The following GPC5 variants were observed in gnomAD, a reference collection of about 807,000 sequenced individuals.
The protein encoded by GPC5 is glypican-5.
GPC5 carries 47 observed loss-of-function variants against 53.9 expected under a neutral mutation model. That is an observed-to-expected ratio of 0.87 (90% CI 0.69 to 1.11). The LOEUF is 1.11. Among genes scored for constraint, GPC5 ranks in the 50% most tolerant of loss-of-function variants. The probability of loss-of-function intolerance (pLI) is 0.00; values close to 1 mark genes in which losing one functional copy is unlikely to be tolerated. For missense variants in GPC5, 748 were observed against 713.1 expected (o/e 1.05, Z -0.56); for synonymous variants, 286 against 263.3 (o/e 1.09, Z -0.84).
chr13:92,744,657 A>T lies in GPC5; in HGVS notation c.1562-121625A>T, dbSNP rs1000973767. Among the ~76,000 whole-genome samples the T allele has an allele frequency of 2.0e-5, 3 of 152,108 alleles. No individual in the cohort carries two copies. The East Asian group carries it at 5.8e-4, about 29-fold the overall frequency. On this transcript the variant is annotated intron_variant, in intron 7 of 7. Transcript: ENST00000377067. ...TGTTTAGAAACTGAAAGTAATAAAG[A>T]TATTGAAGGAATCAATTAAAGTGAT...
intron 7 of GPC5, among the ~76,000 whole-genome samples, chr13:92,330,307 A>C (rs1310181326): frequency 6.6e-6 from 1 of 152,140 alleles, no homozygotes; most frequent in Non-Finnish European, 1.5e-5. Flanking sequence ...TGTCCTCCAA[A>C]GTCCCCTAAC....
intron 5 of GPC5, among the ~76,000 whole-genome samples, chr13:91,766,835 G>GGGT (rs1250250339): frequency 6.6e-6 from 1 of 152,150 alleles, no homozygotes; most frequent in East Asian, 1.9e-4. Context: ...ACTCCAGCCT[G>GGGT]GGTGACAGAG....
intron 7 of GPC5, among the ~76,000 whole-genome samples, chr13:92,215,562 A>G (rs2042403862): frequency 1.3e-5 from 2 of 152,274 alleles, no homozygotes; most frequent in African/African-American, 4.8e-5. Context: ...TCTTACTGGC[A>G]TGTCATTCTC....
intron 2 of GPC5, among the ~76,000 whole-genome samples, chr13:91,480,781 TC>T (rs1297605847): frequency 1.3e-5 from 2 of 152,178 alleles, no homozygotes; most frequent in Admixed American, 1.3e-4. Context: ...ATACCCTTAT[TC>T]TTTTGAGTTC....
chr13:92,118,843 C>T (rs1316815271), intron 6 of GPC5, among the ~76,000 whole-genome samples: 1 of 152,136 alleles, frequency 6.6e-6, no homozygotes. Flanking sequence ...AGTCTATACT[C>T]AAATATTTTT....
intron 7 of GPC5, among the ~76,000 whole-genome samples, chr13:92,165,604 A>G (rs1188261693): frequency 6.6e-6 from 1 of 152,184 alleles, no homozygotes; most frequent in Non-Finnish European, 1.5e-5. Context: ...TGAGAACAGC[A>G]TAGGAGAACC....
chr13:92,062,091 A>T (rs1320138886), intron 6 of GPC5, among the ~76,000 whole-genome samples: 1 of 151,888 alleles, frequency 6.6e-6, no homozygotes, highest in African/African-American at 2.4e-5. Flanking sequence ...TCAAGTAATG[A>T]TGTCAAAGAA....
intron 2 of GPC5, among the ~76,000 whole-genome samples, chr13:91,449,342 AATTTT>A (rs1881026168): frequency 6.6e-6 from 1 of 152,114 alleles, no homozygotes. Context: ...GATGTCTCAT[AATTTT>A]ATTTTATATA....
chr13:91,803,048 C>A (rs913465900), intron 5 of GPC5, among the ~76,000 whole-genome samples: 1 of 151,958 alleles, frequency 6.6e-6, no homozygotes, highest in Non-Finnish European at 1.5e-5. Context: ...TAAAAATAGT[C>A]AAAATAATCT....
chr13:92,225,799 CT>C (rs1367518718), intron 7 of GPC5, among the ~76,000 whole-genome samples: 3 of 151,704 alleles, frequency 2.0e-5, no homozygotes, highest in South Asian at 4.2e-4. Flanking sequence ...AGTTTTATGT[CT>C]TTTTTTTCTT....
intron 7 of GPC5, among the ~76,000 whole-genome samples, chr13:92,297,389 A>G (rs1318429305): frequency 7.1e-6 from 1 of 141,218 alleles, no homozygotes; most frequent in African/African-American, 2.7e-5. Flanking sequence ...GAGTGCACCA[A>G]TCGACACTCT....
intron 7 of GPC5, among the ~76,000 whole-genome samples, chr13:92,727,474 C>G (rs531901828): frequency 1.3e-5 from 2 of 151,444 alleles, no homozygotes; most frequent in Admixed American, 1.3e-4. Flanking sequence ...CATCACAGAC[C>G]TCCCAGAAAT....
At chr13:92,458,960 T>C (rs1360479307) in intron 7 of GPC5, among the ~76,000 whole-genome samples, 1 of 152,208 alleles carries the variant, frequency 6.6e-6, no homozygotes, top group African/African-American at 2.4e-5. Flanking sequence ...TGAATAATGC[T>C]GTTTTTATTA....
chr13:91,994,059 G>A (rs2040481998), intron 6 of GPC5, among the ~76,000 whole-genome samples: 1 of 152,180 alleles, frequency 6.6e-6, no homozygotes, highest in African/African-American at 2.4e-5. Context: ...ACGTTGAGAT[G>A]TTTTACTGAA....
chr13:92,457,546 T>C (rs1878318679), intron 7 of GPC5, among the ~76,000 whole-genome samples: 1 of 152,128 alleles, frequency 6.6e-6, no homozygotes, highest in African/African-American at 2.4e-5. Context: ...ATCGAGATGG[T>C]CATGCTACCC....
intron 7 of GPC5, among the ~76,000 whole-genome samples, chr13:92,513,712 G>T (rs891702324): frequency 2.6e-5 from 4 of 152,040 alleles, no homozygotes; most frequent in Non-Finnish European, 5.9e-5. Flanking sequence ...GGGAATGTGT[G>T]CATATGCATA....
chr13:92,334,824 G>A (rs56275641), intron 7 of GPC5, among the ~76,000 whole-genome samples: 4,309 of 152,200 alleles, frequency 0.028, 210 homozygotes, highest in African/African-American at 0.099. Flanking sequence ...ATTTGACTCC[G>A]TGTCTCACAT....
intron 2 of GPC5, among the ~76,000 whole-genome samples, chr13:91,578,001 G>T (rs1370442052): frequency 1.3e-5 from 2 of 152,228 alleles, no homozygotes. Flanking sequence ...GGCCATGAAA[G>T]ATATTGTAGT....
intron 7 of GPC5, among the ~76,000 whole-genome samples, chr13:92,851,005 T>C (rs1264183432): frequency 6.6e-6 from 1 of 152,104 alleles, no homozygotes. Flanking sequence ...CATCTAGCCC[T>C]GGGGAGGCCT....
Sources: allele counts gnomAD v4.1 joint callset (sites outside exome capture counted in the v4.1 genomes callset), GRCh38; gene constraint gnomAD v4.1.1; transcripts MANE v1.5; gene names NCBI Gene and HGNC (gene_info 2026-07-23, HGNC 2026-07-21).